The following MYO1D variants were observed in gnomAD, a reference collection of about 807,000 sequenced individuals.
MYO1D encodes myosin ID.
A neutral mutation model predicts 122.0 loss-of-function variants in MYO1D; 83 were observed. That is an observed-to-expected ratio of 0.68 (90% CI 0.57 to 0.82). MYO1D has a LOEUF of 0.82. Ranked by LOEUF, MYO1D falls within the 40% of genes least tolerant of loss-of-function variation. MYO1D has a pLI of 0.00. For synonymous variants in MYO1D, 464 were observed against 446.9 expected, an observed-to-expected ratio of 1.04 and a Z score of -0.48; for missense variants, 1,157 against 1,269.5, an observed-to-expected ratio of 0.91 and a Z score of 1.35.
intron 21 of MYO1D, among the ~76,000 whole-genome samples, chr17:32,579,120 G>C (rs900827650): frequency 3.9e-5 from 6 of 152,242 alleles, no homozygotes; most frequent in Non-Finnish European, 8.8e-5. Context: ...CCAGGCGAGA[G>C]TGCGGTGGAA....
At chr17:32,572,930 G>A (rs553732414) in intron 21 of MYO1D, among the ~76,000 whole-genome samples, 11 of 152,008 alleles carry the variant, frequency 7.2e-5, no homozygotes, top group East Asian at 1.9e-4. Flanking sequence ...CTATTTCAGC[G>A]TCTTCACAGC....
chr17:32,645,801 C>A (rs1202762076), intron 19 of MYO1D, among the ~76,000 whole-genome samples: 1 of 152,092 alleles, frequency 6.6e-6, no homozygotes, highest in East Asian at 1.9e-4. Flanking sequence ...GTTAGCCATT[C>A]ATCTAATCTT....
Position 32,737,360 on chromosome 17 carries a change from AAC to A in MYO1D, c.1746+891_1746+892del, listed in dbSNP as rs750277244. Among the ~76,000 whole-genome samples, 131 of 149,244 alleles carry A rather than the reference AAC, an allele frequency of 8.8e-4. 3 individuals are homozygous for A. Among genetic ancestry groups the A allele is most frequent in the Non-Finnish European group, 1.1e-3 (72 of 67,310 alleles). ...AAACACAAATAATTGTCAATAATACAACTTTTTTTTTTTTTTTTGAGACAAGG... is the reference window on the plus strand; with the variant it reads ...AAACACAAATAATTGTCAATAATACATTTTTTTTTTTTTTTTGAGACAAGG... On this transcript the variant is annotated intron_variant, in intron 14 of 21. Transcript: ENST00000318217.
intron 16 of MYO1D, among the ~76,000 whole-genome samples, chr17:32,673,945 C>T (rs189582030): frequency 4.6e-5 from 7 of 152,168 alleles, no homozygotes; most frequent in Admixed American, 1.3e-4. Context: ...TAATATATTA[C>T]TGCAATGATT....
rs887422592 is a variant in MYO1D at position 32,839,584 on chromosome 17, G to A, written c.95+37194C>T. On this transcript the variant is annotated intron_variant, in intron 1 of 21. Coordinates refer to ENST00000318217, the MANE Select transcript of MYO1D (RefSeq NM_015194.3). Reference sequence around the variant, plus strand: ...AATATGGACAGCAAGTTGAAGGTAAGGGGCAATTCCAGAGAAAGGCAGAGG... The same window carrying A: ...AATATGGACAGCAAGTTGAAGGTAAAGGGCAATTCCAGAGAAAGGCAGAGG... Among the ~76,000 whole-genome samples the A allele has an allele frequency of 2.4e-4, 37 of 152,238 alleles. 1 individual carries two copies. The highest frequency in any genetic ancestry group is 7.0e-4 in the African/African-American group (29 of 41,562).
chr17:32,776,729 A>G (rs1038273181), intron 3 of MYO1D, among the ~76,000 whole-genome samples: 1 of 152,102 alleles, frequency 6.6e-6, no homozygotes, highest in African/African-American at 2.4e-5. Flanking sequence ...ATTGCTCATT[A>G]TTTTCTTTGA....
At chr17:32,622,272 C>A (rs1454458133) in intron 20 of MYO1D, among the ~76,000 whole-genome samples, 1 of 152,032 alleles carries the variant, frequency 6.6e-6, no homozygotes, top group Non-Finnish European at 1.5e-5. Flanking sequence ...GAGTACAGGT[C>A]CTTGTAATTT....
intron 16 of MYO1D, among the ~76,000 whole-genome samples, chr17:32,691,552 G>A (rs773349740): frequency 3.3e-5 from 5 of 151,672 alleles, no homozygotes; most frequent in Admixed American, 6.6e-5. Context: ...GATTACAGGC[G>A]CCTGCCCCTA....
chr17:32,659,470 G>T, intron 16 of MYO1D, 132 bp from the exon 17 acceptor site: 2 of 821,664 alleles, frequency 2.4e-6, no homozygotes, highest in Non-Finnish European at 3.9e-6. Context: ...ATCAGCCAGA[G>T]CCAAAGCATG....
intron 19 of MYO1D, among the ~76,000 whole-genome samples, chr17:32,642,793 G>A (rs1430914354): frequency 6.6e-6 from 1 of 152,204 alleles, no homozygotes; most frequent in Non-Finnish European, 1.5e-5. Context: ...AGAGTTTGCT[G>A]AAGTTGCTTA....
intron 21 of MYO1D, among the ~76,000 whole-genome samples, chr17:32,503,641 G>T (rs564121960): frequency 4.6e-5 from 7 of 152,320 alleles, no homozygotes; most frequent in African/African-American, 1.7e-4. Context: ...ACCAAGCAGA[G>T]ACAGGTGCTT....
intron 21 of MYO1D, among the ~76,000 whole-genome samples, chr17:32,585,821 AC>A (rs1256284073): frequency 1.3e-5 from 2 of 152,120 alleles, no homozygotes; most frequent in African/African-American, 2.4e-5. Flanking sequence ...TTCTGGTTAT[AC>A]AATTAATACA....
intron 21 of MYO1D, chr17:32,523,465 T>C (rs1910227414): frequency 6.6e-6 from 1 of 152,132 alleles, no homozygotes; most frequent in Non-Finnish European, 1.5e-5. Context: ...AGGGCAGAAG[T>C]GCGAAATGTC....
intron 21 of MYO1D, among the ~76,000 whole-genome samples, chr17:32,564,469 T>C (rs1220123323): frequency 6.6e-6 from 1 of 152,214 alleles, no homozygotes; most frequent in Non-Finnish European, 1.5e-5. Context: ...TGGAGCATAG[T>C]GTACAGCCCA....
At chr17:32,496,659 C>T (rs556191898) in intron 21 of MYO1D, among the ~76,000 whole-genome samples, 1 of 152,298 alleles carries the variant, frequency 6.6e-6, no homozygotes, top group African/African-American at 2.4e-5. Flanking sequence ...CCTGCCTCCC[C>T]TCTGTCAACC....
chr17:32,571,142 G>C (rs2087223148), intron 21 of MYO1D, among the ~76,000 whole-genome samples: 1 of 152,172 alleles, frequency 6.6e-6, no homozygotes, highest in Non-Finnish European at 1.5e-5. Context: ...ACTGGTGCTA[G>C]AGTAGGTGAA....
In MYO1D at chr17:32,755,393, G is replaced by T; in HGVS notation, c.1467+99C>A. On this transcript the variant is annotated intron_variant, in intron 11 of 21. Transcript: ENST00000318217. ...TATGACTTTTCTTTCTTATTAAAGGGGACATTCTTTTATCCCAACATATAA... is the reference window on the plus strand; with the variant it reads ...TATGACTTTTCTTTCTTATTAAAGGTGACATTCTTTTATCCCAACATATAA... 6 of 1,234,848 alleles carry T rather than the reference G, an allele frequency of 4.9e-6. No individual in the cohort carries two copies. The Admixed American group carries it at 1.4e-4, about 28-fold the overall frequency. The allele number at this position is 1,234,848 out of a possible 1,614,324, so 76.5% of individuals were successfully genotyped here. A position where few individuals can be genotyped will look rare whatever the true frequency, so the allele number is the denominator to read the frequency against.
intron 21 of MYO1D, among the ~76,000 whole-genome samples, chr17:32,525,356 C>T (rs918526766): frequency 1.3e-5 from 2 of 152,222 alleles, no homozygotes; most frequent in African/African-American, 2.4e-5. Context: ...ATGAGGTCGC[C>T]ACATGGCATG....
intron 1 of MYO1D, among the ~76,000 whole-genome samples, chr17:32,856,092 T>TC (rs2091025507): frequency 6.6e-6 from 1 of 151,332 alleles, no homozygotes; most frequent in Non-Finnish European, 1.5e-5. Context: ...CTTGGATGAT[T>TC]TTTTTTTTCT....
Sources: allele counts gnomAD v4.1 joint callset (sites outside exome capture counted in the v4.1 genomes callset), GRCh38; gene constraint gnomAD v4.1.1; transcripts MANE v1.5; gene names NCBI Gene and HGNC (gene_info 2026-07-23, HGNC 2026-07-21).